The following ACAD8 variants were observed in gnomAD, a reference collection of about 807,000 sequenced individuals.
The protein encoded by ACAD8 is acyl-CoA dehydrogenase family member 8, also known as isobutyryl-CoA dehydrogenase, mitochondrial.
Under a neutral mutation model 53.1 loss-of-function variants are expected in ACAD8, and 47 were observed. The ratio of observed to expected loss-of-function variants is 0.89; its 90% CI spans 0.70 to 1.13. ACAD8 has a LOEUF of 1.13. Among genes scored for constraint, ACAD8 ranks in the 50% most tolerant of loss-of-function variants. The pLI, the probability that ACAD8 is intolerant of heterozygous loss-of-function variation, is 0.00. For synonymous variants in ACAD8, 198 were observed against 201.3 expected (o/e 0.98, Z 0.14); for missense variants, 494 against 535.0 (o/e 0.92, Z 0.76).
At chr11:134,256,352 G>A (rs1184082902) in intron 1 of ACAD8, among the ~76,000 whole-genome samples, 196 bp from the exon 2 acceptor site, 2 of 152,260 alleles carry the variant, frequency 1.3e-5, no homozygotes, top group Non-Finnish European at 2.9e-5. Flanking sequence ...CTGGATGTGT[G>A]CTAGAACTGT....
chr11:134,253,621 G>C lies in ACAD8; in HGVS notation c.21G>C (p.Arg7=), dbSNP rs942282600. 10 of 1,580,226 alleles carry C rather than the reference G, an allele frequency of 6.3e-6. No individual in the cohort carries two copies. The highest frequency in any genetic ancestry group is 8.6e-6 in the Non-Finnish European group (10 of 1,166,818). ...CGGCTATGCTGTGGAGCGGCTGCCG[G>C]CGTTTCGGGGCGCGCCTCGGCTGCC... MLWSGC[R]RFGARLGCLP... Residue 7 remains arginine, a synonymous_variant, in exon 1 of 11, where the codon CGG becomes CGC. Transcript: ENST00000281182.
chr11:134,257,448 C>T (rs914954068), intron 3 of ACAD8, among the ~76,000 whole-genome samples, 191 bp downstream of exon 3: 8 of 152,154 alleles, frequency 5.3e-5, no homozygotes, highest in African/African-American at 1.7e-4. Context: ...CCAAGGCAGG[C>T]AGATCACGAG....
At chr11:134,258,917 G>T in intron 4 of ACAD8, 91 bp from the exon 5 acceptor site, 1 of 1,153,592 alleles carries the variant, frequency 8.7e-7, no homozygotes, top group Non-Finnish European at 1.3e-6. Flanking sequence ...TCTGTTTAGA[G>T]AAGATTTCCT....
At chr11:134,259,271 C>T (rs1939735122) in intron 5 of ACAD8, 187 bp downstream of exon 5, 2 of 718,204 alleles carry the variant, frequency 2.8e-6, no homozygotes, top group South Asian at 3.1e-5. Flanking sequence ...GATTCCAGAT[C>T]ATTTCGTTGA....
chr11:134,258,473 T>C (rs761661586), intron 3 of ACAD8, 42 bp from the exon 4 acceptor site: 26 of 1,452,012 alleles, frequency 1.8e-5, no homozygotes, highest in Middle Eastern at 1.7e-4. Context: ...CTTTTCCATC[T>C]TTATTTCTGT....
chr11:134,262,219 G>A, intron 9 of ACAD8: 1 of 649,494 alleles, frequency 1.5e-6, no homozygotes, highest in Non-Finnish European at 2.8e-6. Flanking sequence ...CCACTAGGGG[G>A]AACCATAGCT....
intron 9 of ACAD8, chr11:134,262,133 C>T (rs944150598): frequency 2.7e-5 from 18 of 670,526 alleles, no homozygotes; most frequent in African/African-American, 1.6e-4. Context: ...GTGTTCTAGG[C>T]GAGAAACCAC....
chr11:134,259,906 C>T, intron 6 of ACAD8, 161 bp downstream of exon 6: 1 of 1,482,614 alleles, frequency 6.7e-7, no homozygotes, highest in African/African-American at 1.4e-5. Context: ...TGAAATACAA[C>T]AGGGCATTAT....
rs1007572993 is a variant in ACAD8, at chr11:134,261,977, C to T, written c.1092+87C>T. 7 of 1,486,040 alleles carry T rather than the reference C, an allele frequency of 4.7e-6. No homozygotes were observed. The highest frequency in any genetic ancestry group is 1.4e-5 in the African/African-American group (1 of 72,744). 92.1% of individuals were successfully genotyped at this position (1,486,040 alleles called of 1,614,324 possible). A position where few individuals can be genotyped will look rare whatever the true frequency, so the allele number is the denominator to read the frequency against. On this transcript the variant is annotated intron_variant, in intron 9 of 10. Coordinates refer to ENST00000281182, the MANE Select transcript of ACAD8 (RefSeq NM_014384.3). This position sits in a 1 kb window ranked among gnomAD's most constrained non-coding sequence, Gnocchi z 4.2. ...TGAGAGACATGAGTCAGATTTGGAACCCAGCCCTCCTGGAATCCCACAAGG... is the reference window on the plus strand; with the variant it reads ...TGAGAGACATGAGTCAGATTTGGAATCCAGCCCTCCTGGAATCCCACAAGG...
At chr11:134,258,239 G>T in intron 3 of ACAD8, 1 of 496,988 alleles carries the variant, frequency 2.0e-6, no homozygotes, top group Non-Finnish European at 3.7e-6. Context: ...ATATAACTCT[G>T]ATTTTTAGAG....
At chr11:134,254,197 A>G (rs1444825412) in intron 1 of ACAD8, among the ~76,000 whole-genome samples, 2 of 152,208 alleles carry the variant, frequency 1.3e-5, no homozygotes, top group Non-Finnish European at 2.9e-5. Flanking sequence ...GTGAGAATAT[A>G]AGAAGCTGGC....
intron 5 of ACAD8, 169 bp from the exon 6 acceptor site, chr11:134,259,439 T>C (rs918549995): frequency 6.4e-5 from 37 of 573,802 alleles, no homozygotes; most frequent in Non-Finnish European, 1.1e-4. Context: ...TTGGACCTTA[T>C]TGTCAGTCTC....
chr11:134,256,777 C>T (rs1186293739), intron 2 of ACAD8, 129 bp downstream of exon 2: 3 of 835,950 alleles, frequency 3.6e-6, no homozygotes, highest in Admixed American at 2.8e-5. Context: ...AGTGAGAATA[C>T]CGGTAGTGGA....
chr11:134,260,248 G>T (rs1160959213), intron 6 of ACAD8: 1 of 1,048,300 alleles, frequency 9.5e-7, no homozygotes, highest in East Asian at 7.9e-5. Flanking sequence ...CTAGGATTAA[G>T]AGCCGCCATG....
intron 1 of ACAD8, among the ~76,000 whole-genome samples, chr11:134,254,195 A>G (rs1939333103): frequency 1.3e-5 from 2 of 152,240 alleles, no homozygotes; most frequent in South Asian, 4.1e-4. Context: ...CAGTGAGAAT[A>G]TAAGAAGCTG....
At chr11:134,264,534 A>G (rs1330616067) in intron 10 of ACAD8, among the ~76,000 whole-genome samples, 1 of 152,126 alleles carries the variant, frequency 6.6e-6, no homozygotes, top group East Asian at 1.9e-4. Flanking sequence ...TAAAAGAAAA[A>G]AAATCACTCA....
In ACAD8 at chr11:134,256,799, A is replaced by C. The variant is rs779560036; in HGVS notation, c.210+151A>C. On this transcript the variant is annotated intron_variant, in intron 2 of 10. Coordinates refer to ENST00000281182, the MANE Select transcript of ACAD8 (RefSeq NM_014384.3). ...ATACCGGTAGTGGATGATTTTTCCT[A>C]GAAGGCATCCTGATCATCTTGTACA... 4 of 749,824 alleles carry C rather than the reference A, an allele frequency of 5.3e-6. No homozygotes were observed. The Admixed American group carries it at 1.2e-4, about 22-fold the overall frequency. 46.4% of individuals were successfully genotyped at this position (749,824 alleles called of 1,614,324 possible).
intron 1 of ACAD8, among the ~76,000 whole-genome samples, chr11:134,255,310 A>C (rs1939456122): frequency 6.6e-6 from 1 of 152,040 alleles, no homozygotes; most frequent in African/African-American, 2.4e-5. Context: ...TAATTTTTAT[A>C]TTTTTAGTAG....
At chr11:134,262,447 G>C in intron 9 of ACAD8, 73 bp from the exon 10 acceptor site, 3 of 1,019,114 alleles carry the variant, frequency 2.9e-6, no homozygotes, top group Non-Finnish European at 4.5e-6. Context: ...ATCGTGGGCT[G>C]GGGTAGGAAG....
Sources: gnomAD v4.1 joint callset for allele counts (sites outside exome capture counted in the v4.1 genomes callset) on GRCh38, gnomAD v4.1.1 for gene constraint, Gnocchi (gnomAD v3.1) non-coding constraint, MANE v1.5 for transcripts, NCBI Gene and HGNC (gene_info 2026-07-23, HGNC 2026-07-21) for gene names.